The following GCAT variants were observed in gnomAD, a reference collection of about 807,000 sequenced individuals.
GCAT encodes 2-amino-3-ketobutyrate coenzyme A ligase, mitochondrial.
A neutral mutation model predicts 39.7 loss-of-function variants in GCAT; 26 were observed. The observed-to-expected ratio is 0.65, with a 90% CI of 0.48 to 0.91. The LOEUF (loss-of-function observed/expected upper bound fraction) is 0.91, where lower values mean the gene tolerates loss of function less well. Ranked by LOEUF, GCAT falls within the 40% of genes least tolerant of loss-of-function variation. The pLI is 0.00. For synonymous variants in GCAT, 218 were observed against 237.2 expected (o/e 0.92, Z 0.74); for missense variants, 550 against 576.2 (o/e 0.95, Z 0.47).
rs1445762876 is a variant in GCAT, at chr22:37,807,938, A to T, written c.-30A>T. ...TCCGCGATGCGCACGGCTCCCAGGCAGGCAGGCGCGCTCGGGCGAGGTAGG... is the reference window on the plus strand; with the variant it reads ...TCCGCGATGCGCACGGCTCCCAGGCTGGCAGGCGCGCTCGGGCGAGGTAGG... On this transcript the variant is annotated 5_prime_UTR_variant, in exon 1 of 9. Coordinates refer to ENST00000248924, the MANE Select transcript of GCAT (RefSeq NM_014291.4). The T allele has an allele frequency of 2.8e-6, 4 of 1,453,110 alleles. No individual in the cohort carries two copies. The highest frequency in any genetic ancestry group is 1.8e-6 in the Non-Finnish European group (2 of 1,109,170). 90.0% of individuals were successfully genotyped at this position (1,453,110 alleles called of 1,614,324 possible). A position where few individuals can be genotyped will look rare whatever the true frequency, so the allele number is the denominator to read the frequency against.
Position 37,812,868 on chromosome 22 carries a change from T to A in GCAT, c.328-19T>A, listed in dbSNP as rs769762022. 8.4e-6 allele frequency: 13 copies of A among 1,551,696 alleles called. No homozygotes were observed. The African/African-American group carries it at 1.8e-4, about 21-fold the overall frequency. On this transcript the variant is annotated intron_variant, in intron 2 of 8. Coordinates refer to ENST00000248924, the MANE Select transcript of GCAT (RefSeq NM_014291.4). ...ATGACCCCACAGGCATCAACACGTG[T>A]CTCACTCATTTTCTTCAGAGCATCC...
At position 37,816,193 on chromosome 22, in the gene GCAT, C is replaced by T; in HGVS notation, c.987-7C>T. 1 of 1,612,284 alleles carries T rather than the reference C, an allele frequency of 6.2e-7. No individual in the cohort carries two copies. The highest frequency in any genetic ancestry group is 8.5e-7 in the Non-Finnish European group (1 of 1,179,434). On this transcript the variant is annotated splice_region_variant and splice_polypyrimidine_tract_variant and intron_variant, in intron 7 of 8. Coordinates refer to ENST00000248924, the MANE Select transcript of GCAT (RefSeq NM_014291.4). ...CCTTAGCTACCTGTGACACCTTGTG[C>T]CCACAGGTTCCGTAGTAAGATGGAA...
At chr22:37,812,783 G>A in intron 2 of GCAT, 104 bp from the exon 3 acceptor site, 1 of 767,472 alleles carries the variant, frequency 1.3e-6, no homozygotes, top group South Asian at 1.5e-5. Flanking sequence ...TGAGGCTGCA[G>A]GCTTTCTGGG....
At chr22:37,813,255 T>C in intron 3 of GCAT, 1 of 704,896 alleles carries the variant, frequency 1.4e-6, no homozygotes, top group Non-Finnish European at 2.6e-6. Flanking sequence ...TCACCAAATA[T>C]ATTCTCACCT....
rs764160596 is a variant in GCAT at position 37,816,259 on chromosome 22, G to C, written c.1046G>C (p.Cys349Ser). ...FTISGASHPI[C>S]PVMLGDARLA... ...ATCTCGGGAGCCAGTCACCCCATCT[G>C]CCCTGTGATGCTGGGTGATGCCCGG... The change falls in exon 8 of 9, where the codon TGC (cysteine) becomes TCC (serine). Residue 349 changes from cysteine to serine, a missense_variant. Coordinates refer to ENST00000248924, the MANE Select transcript of GCAT (RefSeq NM_014291.4). 6.2e-7 allele frequency: 1 copy of C among 1,613,300 alleles called. No homozygotes were observed. Among genetic ancestry groups the C allele is most frequent in the Admixed American group, 1.7e-5 (1 of 60,016 alleles).
rs1451437763 is a variant in GCAT, at chr22:37,815,706, G to A, written c.858G>A (p.Arg286=). The A allele has an allele frequency of 6.2e-7, 1 of 1,613,492 alleles. No individual in the cohort carries two copies. The highest frequency in any genetic ancestry group is 1.1e-5 in the South Asian group (1 of 91,080). Residue 286 remains arginine (R), a synonymous_variant, in exon 7 of 9, where the codon CGG becomes CGA. Coordinates refer to ENST00000248924, the MANE Select transcript of GCAT (RefSeq NM_014291.4). The part of the protein sequence containing the change: ...TGPGPLVSLL[R]QRARPYLFSN... Reference sequence around the variant, plus strand: ...CTGGGCCCCTGGTGTCCCTGCTGCGGCAGCGCGCCCGGCCATACCTCTTCT... The same window carrying A: ...CTGGGCCCCTGGTGTCCCTGCTGCGACAGCGCGCCCGGCCATACCTCTTCT...
intron 1 of GCAT, 22 bp downstream of exon 1, chr22:37,808,185 C>T: frequency 6.9e-7 from 1 of 1,446,764 alleles, no homozygotes; most frequent in Non-Finnish European, 9.1e-7. Context: ...TTCCGGGAGT[C>T]GTTCCAAGAC....
downstream of GCAT, chr22:37,817,052 C>T (rs560850667): frequency 1.0e-4 from 25 of 238,840 alleles, no homozygotes; most frequent in South Asian, 1.3e-3. Context: ...TGGCCGGGCA[C>T]GGTGGCTCAG....
chr22:37,816,165 GCC>G, intron 7 of GCAT, 33 bp from the exon 8 acceptor site: 1 of 1,606,984 alleles, frequency 6.2e-7, no homozygotes, highest in Non-Finnish European at 8.5e-7. Context: ...ATGCTCCACG[GCC>G]CCTTAGCTAC....
At chr22:37,813,110 C>T (rs139171271) in intron 3 of GCAT, 122 bp downstream of exon 3, 27 of 747,712 alleles carry the variant, frequency 3.6e-5, no homozygotes, top group African/African-American at 2.4e-4. Context: ...CTCCAGAGCC[C>T]GCTTCTGGAG....
intron 4 of GCAT, 24 bp downstream of exon 4, chr22:37,813,633 C>T (rs781301310): frequency 3.6e-4 from 563 of 1,578,156 alleles, no homozygotes; most frequent in Non-Finnish European, 4.5e-4. Flanking sequence ...TGGGTCCACC[C>T]TCAGCCTCCG....
intron 2 of GCAT, among the ~76,000 whole-genome samples, chr22:37,810,434 C>T (rs986570009): frequency 1.3e-5 from 2 of 152,030 alleles, no homozygotes; most frequent in Non-Finnish European, 2.9e-5. Flanking sequence ...GTAACCTTCG[C>T]CTACCAGACT....
chr22:37,808,111 G>A lies in GCAT; in HGVS notation c.144G>A (p.Arg48=), dbSNP rs942361641. Reference sequence around the variant, plus strand: ...GAGCTGGCACTTGGAAGAGTGAGCGGGTCATCACGTCCCGTCAGGGGCCGC... The same window carrying A: ...GAGCTGGCACTTGGAAGAGTGAGCGAGTCATCACGTCCCGTCAGGGGCCGC... ...IRGAGTWKSE[R]VITSRQGPHI... is the part of the protein sequence containing the mutation. Residue 48 remains arginine, a synonymous_variant, in exon 1 of 9, where the codon CGG becomes CGA. Coordinates refer to ENST00000248924, the MANE Select transcript of GCAT (RefSeq NM_014291.4). The A allele has an allele frequency of 3.3e-5, 51 of 1,565,058 alleles. No homozygotes were observed. Among genetic ancestry groups the A allele is most frequent in the Non-Finnish European group, 4.1e-5 (48 of 1,158,218 alleles).
intron 1 of GCAT, 109 bp downstream of exon 1, chr22:37,808,272 C>T (rs1333665505): frequency 8.4e-6 from 7 of 835,360 alleles, no homozygotes; most frequent in African/African-American, 1.8e-5. Flanking sequence ...TACTGTTCCC[C>T]TTCGCATCTC....
intron 4 of GCAT, 102 bp from the exon 5 acceptor site, chr22:37,815,024 G>A: frequency 8.7e-7 from 1 of 1,143,728 alleles, no homozygotes; most frequent in Non-Finnish European, 1.3e-6. Flanking sequence ...CTCTGTGCTG[G>A]GCACTGGGCA....
In GCAT at chr22:37,811,809, G is replaced by C. The variant is rs534048611; in HGVS notation, c.328-1078G>C. Among the ~76,000 whole-genome samples, 5 of 150,204 alleles carry C rather than the reference G, an allele frequency of 3.3e-5. No individual in the cohort carries two copies. In the South Asian group the frequency reaches 1.1e-3, roughly 32 times the overall value. On this transcript the variant is annotated intron_variant, in intron 2 of 8. Coordinates refer to ENST00000248924, the MANE Select transcript of GCAT (RefSeq NM_014291.4). ...CGGGCTCGCTTGAACCCATGAGGCAGGGGTTGCAGTGAGCCACGACGGTGC... is the reference window on the plus strand; with the variant it reads ...CGGGCTCGCTTGAACCCATGAGGCACGGGTTGCAGTGAGCCACGACGGTGC...
downstream of GCAT, chr22:37,816,983 G>A (rs1160815568): frequency 4.6e-6 from 2 of 434,332 alleles, no homozygotes; most frequent in Non-Finnish European, 8.5e-6. Flanking sequence ...TCTGAGGGGA[G>A]GCGCCTGAGG....
At position 37,809,961 on chromosome 22, in the gene GCAT, T is replaced by C. The variant is rs1374716239; in HGVS notation, c.197-66T>C. On this transcript the variant is annotated intron_variant, in intron 1 of 8. Coordinates refer to ENST00000248924, the MANE Select transcript of GCAT (RefSeq NM_014291.4). Reference sequence around the variant, plus strand: ...ACCATTTCCCCAGGGCCTGGCACTGTCATCTTTCCAGGCCTGCCCTTGCCC... The same window carrying C: ...ACCATTTCCCCAGGGCCTGGCACTGCCATCTTTCCAGGCCTGCCCTTGCCC... 1.3e-6 allele frequency: 2 copies of C among 1,592,280 alleles called. No homozygotes were observed. Among genetic ancestry groups the C allele is most frequent in the East Asian group, 4.5e-5 (2 of 43,980 alleles).
chr22:37,813,283 G>A, intron 3 of GCAT, 180 bp from the exon 4 acceptor site: 1 of 735,274 alleles, frequency 1.4e-6, no homozygotes, highest in Non-Finnish European at 2.5e-6. Flanking sequence ...CTAGAGCAGG[G>A]CGCTGGTCCA....
Sources: allele counts gnomAD v4.1 joint callset (sites outside exome capture counted in the v4.1 genomes callset), GRCh38; gene constraint gnomAD v4.1.1; transcripts MANE v1.5; gene names NCBI Gene and HGNC (gene_info 2026-07-23, HGNC 2026-07-21).